RBFOX3: variants seen among roughly 807,000 people sequenced by gnomAD.
RBFOX3 encodes the protein RNA binding fox-1 homolog 3, also known as RNA binding protein fox-1 homolog 3.
RBFOX3 carries 17 observed loss-of-function variants against 48.7 expected under a neutral mutation model. That is an observed-to-expected ratio of 0.35 (90% CI 0.24 to 0.52). The LOEUF (loss-of-function observed/expected upper bound fraction) is 0.52, where lower values mean the gene tolerates loss of function less well. Ranked by LOEUF, RBFOX3 falls within the 20% of genes least tolerant of loss-of-function variation. The probability of loss-of-function intolerance (pLI) is 0.94; values close to 1 mark genes in which losing one functional copy is unlikely to be tolerated. For synonymous variants in RBFOX3, 212 were observed against 209.5 expected (o/e 1.01, Z -0.10); for missense variants, 382 against 497.5 (o/e 0.77, Z 2.21).
At chr17:79,412,209 A>G (rs1422307023) in intron 2 of RBFOX3, among the ~76,000 whole-genome samples, 1 of 148,268 alleles carries the variant, frequency 6.7e-6, no homozygotes, top group Non-Finnish European at 1.5e-5. Flanking sequence ...CATAGTGTGT[A>G]TGTGTGTCAT....
At position 79,362,022 on chromosome 17, in the gene RBFOX3, C is replaced by A. The variant is rs1176407346; in HGVS notation, c.-174-54198G>T. Among the ~76,000 whole-genome samples, 1 of 152,200 alleles carries A rather than the reference C, an allele frequency of 6.6e-6. No homozygotes were observed. The highest frequency in any genetic ancestry group is 6.5e-5 in the Admixed American group (1 of 15,282). The stretch of plus-strand genomic sequence containing the variant: ...AGTCTCTCTGTAAATAATACAGCTG[C>A]CTTGGACGAATGTTCCCTGCCTGCT... On this transcript the variant is annotated intron_variant, in intron 2 of 14. Coordinates refer to ENST00000693108, the MANE Select transcript of RBFOX3 (RefSeq NM_001350451.2). The surrounding 1 kb of genome is among the most constrained non-coding windows in gnomAD (Gnocchi z 4.2).
chr17:79,153,633 C>G (rs914826357), intron 4 of RBFOX3, among the ~76,000 whole-genome samples: 1 of 152,218 alleles, frequency 6.6e-6, no homozygotes, highest in East Asian at 1.9e-4. Flanking sequence ...CCGGCTTTTT[C>G]TTTTTCCTTC....
chr17:79,131,807 C>T (rs909110509), intron 4 of RBFOX3, among the ~76,000 whole-genome samples: 2 of 152,122 alleles, frequency 1.3e-5, no homozygotes, highest in Non-Finnish European at 2.9e-5. Flanking sequence ...GAGATGGCCC[C>T]GAATCCTGCC....
intron 4 of RBFOX3, among the ~76,000 whole-genome samples, chr17:79,211,710 A>G (rs1045834909): frequency 2.6e-5 from 4 of 152,134 alleles, no homozygotes; most frequent in African/African-American, 4.8e-5. Flanking sequence ...ACCCCGGTCC[A>G]TCTCCAGCCC....
At chr17:79,402,984 T>C (rs1276820361) in intron 2 of RBFOX3, among the ~76,000 whole-genome samples, 3 of 152,132 alleles carry the variant, frequency 2.0e-5, no homozygotes, top group South Asian at 4.1e-4. Context: ...CATCAGATCA[T>C]GCTGAAGGTC....
At chr17:79,240,986 A>T (rs200146814) in intron 3 of RBFOX3, among the ~76,000 whole-genome samples, 85 of 150,900 alleles carry the variant, frequency 5.6e-4, no homozygotes, top group Middle Eastern at 3.5e-3. Flanking sequence ...TTAAAAAAAA[A>T]TTTTTTTTGA....
intron 8 of RBFOX3, 142 bp from the exon 9 acceptor site, chr17:79,101,786 C>T (rs184225014): frequency 2.0e-5 from 16 of 790,752 alleles, no homozygotes; most frequent in South Asian, 4.6e-5. Context: ...GCCTGCCCTC[C>T]GGGAGCCTTG....
At chr17:79,662,978 G>A in the RBFOX3 span, among the ~76,000 whole-genome samples, 176 of 152,248 alleles carry the variant, frequency 1.2e-3, 2 homozygotes, top group East Asian at 0.027. Flanking sequence ...AGGAAACGTC[G>A]CTGTTTAAGT....
At chr17:79,493,308 T>A (rs1189303280) in intron 1 of RBFOX3, among the ~76,000 whole-genome samples, 1 of 152,088 alleles carries the variant, frequency 6.6e-6, no homozygotes, top group Non-Finnish European at 1.5e-5. Context: ...AGGCCCCACC[T>A]CTAACACTGG....
intron 3 of RBFOX3, among the ~76,000 whole-genome samples, chr17:79,302,579 G>A (rs753772621): frequency 1.1e-4 from 16 of 152,192 alleles, no homozygotes; most frequent in Non-Finnish European, 2.4e-4. Flanking sequence ...TACTTGGGAG[G>A]CTGAAGCAGG....
intron 4 of RBFOX3, among the ~76,000 whole-genome samples, chr17:79,197,391 T>TC (rs1555601272): frequency 2.2e-5 from 2 of 88,958 alleles, no homozygotes; most frequent in African/African-American, 1.1e-4. Context: ...TTTCTTTCTT[T>TC]TTTTTTTTTT....
At chr17:79,272,517 A>G (rs116597915) in intron 3 of RBFOX3, among the ~76,000 whole-genome samples, 1,628 of 152,290 alleles carry the variant, frequency 0.011, 40 homozygotes, top group African/African-American at 0.037. Context: ...CTGGGGAGCC[A>G]CATGGCCCCT....
chr17:79,431,583 C>A (rs1555728470), intron 2 of RBFOX3, among the ~76,000 whole-genome samples: 1 of 149,502 alleles, frequency 6.7e-6, no homozygotes, highest in East Asian at 2.0e-4. Flanking sequence ...CTCCTGGGTT[C>A]AAGTGATTCT....
At position 79,479,033 on chromosome 17, in the gene RBFOX3, G is replaced by T. The variant is rs2149463194; in HGVS notation, c.-175+3421C>A. ...CAGTGATGGGGAGTCTCGGTCGAAG[G>T]GCTCCTTGCCAAGGCCATTCCTGAA... On this transcript the variant is annotated intron_variant, in intron 2 of 14. Transcript: ENST00000693108. This position sits in a 1 kb window ranked among gnomAD's most constrained non-coding sequence, Gnocchi z 5.1. Among the ~76,000 whole-genome samples, 1 of 152,270 alleles carries T rather than the reference G, an allele frequency of 6.6e-6. No individual in the cohort carries two copies. The highest frequency in any genetic ancestry group is 2.4e-5 in the African/African-American group (1 of 41,562).
At chr17:79,597,068 G>GT (rs1404621321) in intron 1 of RBFOX3, among the ~76,000 whole-genome samples, 3 of 152,126 alleles carry the variant, frequency 2.0e-5, no homozygotes, top group Non-Finnish European at 4.4e-5. Context: ...CTGGCCACAC[G>GT]TAAGAAAGGA....
chr17:79,626,837 G>A, the RBFOX3 span, among the ~76,000 whole-genome samples: 21 of 152,216 alleles, frequency 1.4e-4, no homozygotes, highest in African/African-American at 5.1e-4. Flanking sequence ...ACCTCCCGGG[G>A]CTCAGCCACC....
Position 79,414,597 on chromosome 17 carries a change from CTGTT to C in RBFOX3, c.-175+67853_-175+67856del, listed in dbSNP as rs1372877148. On this transcript the variant is annotated intron_variant, in intron 2 of 14. Transcript: ENST00000693108. ...TGTGTCTGACTGTCCGTCTGGCTGT[CTGTT>C]CGCCTGCCTGCCTGCTCCAGGCTGC... is the stretch of plus-strand genomic sequence containing the variant. 3.3e-5 allele frequency among the ~76,000 whole-genome samples: 5 copies of C among 152,224 alleles called. No homozygotes were observed. In the East Asian group the frequency reaches 9.7e-4, roughly 29 times the overall value.
At chr17:79,304,504 G>A (rs781506007) in intron 3 of RBFOX3, among the ~76,000 whole-genome samples, 1 of 149,836 alleles carries the variant, frequency 6.7e-6, no homozygotes, top group Non-Finnish European at 1.5e-5. Flanking sequence ...ACTCTTATGT[G>A]TTAAAAAAAA....
chr17:79,224,214 C>T (rs1979249), intron 4 of RBFOX3, among the ~76,000 whole-genome samples: 78,447 of 151,856 alleles, frequency 0.52, 21,531 homozygotes, highest in South Asian at 0.62. Flanking sequence ...GCAGATGCCT[C>T]CAAGGACCAA....
Sources: gnomAD v4.1 joint callset for allele counts (sites outside exome capture counted in the v4.1 genomes callset) on GRCh38, gnomAD v4.1.1 for gene constraint, Gnocchi (gnomAD v3.1) non-coding constraint, MANE v1.5 for transcripts, NCBI Gene and HGNC (gene_info 2026-07-23, HGNC 2026-07-21) for gene names.